NIPSNAP3B: variants seen among roughly 807,000 people sequenced by gnomAD.
NIPSNAP3B encodes protein NipSnap homolog 3B.
A neutral mutation model predicts 31.5 loss-of-function variants in NIPSNAP3B; 30 were observed. The observed-to-expected ratio is 0.95, with a 90% CI of 0.71 to 1.29. The LOEUF (loss-of-function observed/expected upper bound fraction) is 1.29, where lower values mean the gene tolerates loss of function less well. Among genes scored for constraint, NIPSNAP3B ranks in the 50% most tolerant of loss-of-function variants. The pLI, the probability that NIPSNAP3B is intolerant of heterozygous loss-of-function variation, is 0.00. For missense variants in NIPSNAP3B, 269 were observed against 300.7 expected (o/e 0.89, Z 0.78); for synonymous variants, 106 against 107.9 (o/e 0.98, Z 0.11).
At chr9:104,788,293 C>T in the NIPSNAP3B span, 1 of 1,011,834 alleles carries the variant, frequency 9.9e-7, no homozygotes, top group Non-Finnish European at 1.4e-6. Context: ...AAAGCAGATA[C>T]AAAGAACCAG....
At chr9:104,770,194 T>G (rs976945949) in intron 3 of NIPSNAP3B, among the ~76,000 whole-genome samples, 5 of 152,172 alleles carry the variant, frequency 3.3e-5, no homozygotes, top group African/African-American at 1.2e-4. Context: ...TTTCTTTCCT[T>G]TTTCTTGTCC....
the NIPSNAP3B span, chr9:104,786,365 T>C: frequency 9.3e-6 from 15 of 1,614,142 alleles, no homozygotes; most frequent in Non-Finnish European, 1.3e-5. Flanking sequence ...GCCATCCTAG[T>C]GCAAAGAGCT....
intron 1 of NIPSNAP3B, among the ~76,000 whole-genome samples, chr9:104,765,197 A>G (rs1828064204): frequency 6.6e-6 from 1 of 152,226 alleles, no homozygotes; most frequent in Admixed American, 6.5e-5. Flanking sequence ...TGAACTCAAG[A>G]TAGACAATTA....
At chr9:104,781,829 A>G (rs539455164), downstream of NIPSNAP3B, 23 of 152,724 alleles carry the variant, frequency 1.5e-4, no homozygotes, top group South Asian at 6.2e-4. Flanking sequence ...CAGGGAATAT[A>G]CAGAAATTTT....
chr9:104,790,394 T>C, the NIPSNAP3B span, among the ~76,000 whole-genome samples: 1 of 152,204 alleles, frequency 6.6e-6, no homozygotes, highest in African/African-American at 2.4e-5. Flanking sequence ...AAATAAATTA[T>C]AGGTACATGT....
chr9:104,784,416 G>A, the NIPSNAP3B span: 2 of 1,614,016 alleles, frequency 1.2e-6, no homozygotes, highest in South Asian at 2.2e-5. Flanking sequence ...TCTTTTAAGT[G>A]GTCATCATCA....
At chr9:104,769,376 C>T (rs893679329) in intron 3 of NIPSNAP3B, among the ~76,000 whole-genome samples, 1 of 145,952 alleles carries the variant, frequency 6.9e-6, no homozygotes, top group African/African-American at 2.6e-5. Flanking sequence ...ATGGCGTGAA[C>T]CCAGAAGGCG....
chr9:104,767,934 C>T (rs1316168322), intron 2 of NIPSNAP3B, among the ~76,000 whole-genome samples: 1 of 152,072 alleles, frequency 6.6e-6, no homozygotes, highest in African/African-American at 2.4e-5. Context: ...CCTGTAGATA[C>T]CAGATTCAGC....
Position 104,764,257 on chromosome 9 carries a change from G to A in NIPSNAP3B, c.17G>A (p.Ser6Asn), listed in dbSNP as rs1166589402. The A allele has an allele frequency of 1.2e-6, 2 of 1,601,220 alleles. No individual in the cohort carries two copies. Among genetic ancestry groups the A allele is most frequent in the Admixed American group, 1.7e-5 (1 of 58,488 alleles). MLVLR[S>N]GLTKALASRT... The stretch of plus-strand genomic sequence containing the variant: ...AGCCGCGCCATGCTCGTTCTCAGAA[G>A]CGGCCTGACCAAGGCGCTTGCCTCA... The change falls in exon 1 of 6, where the codon AGC (serine) becomes AAC (asparagine). Residue 6 changes from serine (S) to asparagine (N), a missense_variant. Coordinates refer to ENST00000374762, the MANE Select transcript of NIPSNAP3B (RefSeq NM_018376.4).
chr9:104,780,042 A>G (rs1828438440), downstream of NIPSNAP3B, among the ~76,000 whole-genome samples: 1 of 152,214 alleles, frequency 6.6e-6, no homozygotes, highest in Non-Finnish European at 1.5e-5. Flanking sequence ...AACAAAAACA[A>G]AAAGCAAAAA....
At chr9:104,788,942 A>C in the NIPSNAP3B span, among the ~76,000 whole-genome samples, 1 of 152,210 alleles carries the variant, frequency 6.6e-6, no homozygotes, top group East Asian at 1.9e-4. Context: ...CACCATTCAC[A>C]TGCACCAAAT....
the NIPSNAP3B span, among the ~76,000 whole-genome samples, chr9:104,784,874 C>T: frequency 1.1e-3 from 173 of 152,300 alleles, no homozygotes; most frequent in African/African-American, 4.1e-3. Flanking sequence ...GATCTCCTGA[C>T]CTCATGATCT....
At chr9:104,780,300 C>G (rs1828448271), downstream of NIPSNAP3B, among the ~76,000 whole-genome samples, 1 of 152,172 alleles carries the variant, frequency 6.6e-6, no homozygotes, top group South Asian at 2.1e-4. Context: ...AGGAAAAGGA[C>G]TGCTCACGAC....
chr9:104,787,904 CCA>C, the NIPSNAP3B span: 2 of 1,613,976 alleles, frequency 1.2e-6, no homozygotes, highest in Non-Finnish European at 1.7e-6. Context: ...AGTTTTCCAT[CCA>C]CAGTTATACT....
At chr9:104,786,094 C>T in the NIPSNAP3B span, among the ~76,000 whole-genome samples, 1 of 152,314 alleles carries the variant, frequency 6.6e-6, no homozygotes, top group South Asian at 2.1e-4. Context: ...GTAGTTAAGT[C>T]ACTTGCCCAA....
chr9:104,764,448 T>C (rs1828048001), intron 1 of NIPSNAP3B, 148 bp downstream of exon 1: 6 of 644,578 alleles, frequency 9.3e-6, no homozygotes, highest in East Asian at 3.2e-5. Flanking sequence ...TCTGGAGCCG[T>C]CTGGCGCGCA....
At chr9:104,781,822 G>C (rs1828564189), downstream of NIPSNAP3B, 1 of 152,348 alleles carries the variant, frequency 6.6e-6, no homozygotes, top group Non-Finnish European at 1.5e-5. Flanking sequence ...CATTCCACAG[G>C]GAATATACAG....
chr9:104,767,102 A>G (rs1828105680), intron 2 of NIPSNAP3B, among the ~76,000 whole-genome samples: 1 of 151,992 alleles, frequency 6.6e-6, no homozygotes, highest in South Asian at 2.1e-4. Context: ...CTAGGGCTGG[A>G]TATCAGCATT....
the NIPSNAP3B span, chr9:104,787,887 GAAC>G: frequency 1.2e-6 from 2 of 1,613,766 alleles, no homozygotes; most frequent in Admixed American, 3.3e-5. Context: ...ACTCAGGCCA[GAAC>G]AACAGTTTTC....
Sources: allele counts gnomAD v4.1 joint callset (sites outside exome capture counted in the v4.1 genomes callset), GRCh38; gene constraint gnomAD v4.1.1; transcripts MANE v1.5; gene names NCBI Gene and HGNC (gene_info 2026-07-23, HGNC 2026-07-21).